The following FLNA variants were observed in gnomAD, a reference collection of about 807,000 sequenced individuals.
FLNA encodes filamin A.
Under a neutral mutation model 157.6 loss-of-function variants are expected in FLNA, and 7 were observed. The observed-to-expected ratio is 0.04, with a 90% CI of 0.03 to 0.08. FLNA has a LOEUF of 0.08. Among genes scored for constraint, FLNA ranks in the 10% least tolerant of loss-of-function variants. FLNA has a pLI of 1.00. For missense variants in FLNA, 1,750 were observed against 2,398.4 expected (o/e 0.73, Z 5.65); for synonymous variants, 1,103 against 1,060.8 (o/e 1.04, Z -0.77).
chrX:154,369,216 G>T (rs1305878984), intron 2 of FLNA, among the ~76,000 whole-genome samples: 4 of 112,542 alleles, frequency 3.6e-5, no homozygotes, highest in Admixed American at 1.9e-4. Context: ...TTCCCAGGTT[G>T]GTCCTGGCCC....
Position 154,354,682 on chromosome X carries a change from C to T in FLNA, c.5247G>A (p.Gln1749=). ...TALAGDQPSV[Q]PPLRSQQLAP... Reference sequence around the variant, plus strand: ...CCAGCTGCTGAGACCGTAGAGGGGGCTGCACCGAGGGCTGGTCCCCAGCCA... The same window carrying T: ...CCAGCTGCTGAGACCGTAGAGGGGGTTGCACCGAGGGCTGGTCCCCAGCCA... Residue 1749 remains glutamine, a synonymous_variant, in exon 32 of 48, where the codon CAG becomes CAA. Coordinates refer to ENST00000369850, the MANE Select transcript of FLNA (RefSeq NM_001110556.2). 8.3e-7 allele frequency: 1 copy of T among 1,207,529 alleles called. No individual in the cohort carries two copies. The highest frequency in any genetic ancestry group is 1.1e-6 in the Non-Finnish European group (1 of 893,507).
chrX:154,369,155 A>C (rs1215388061), intron 2 of FLNA, among the ~76,000 whole-genome samples: 1 of 112,838 alleles, frequency 8.9e-6, no homozygotes, highest in Non-Finnish European at 1.9e-5. Flanking sequence ...TTCCCAGCCC[A>C]GCAGGCAGCA....
rs2067619518 is a variant in FLNA at position 154,351,574 on chromosome X, G to A, written c.7023+7C>T. On this transcript the variant is annotated splice_region_variant and intron_variant, in intron 43 of 47. Coordinates refer to ENST00000369850, the MANE Select transcript of FLNA (RefSeq NM_001110556.2). ...CCCCAGGTGGGCGGTTTCTCTCGGT[G>A]CCTCACCTGAAGGCTAGAAACAGTG... The A allele has an allele frequency of 8.5e-7, 1 of 1,174,570 alleles. No individual in the cohort carries two copies. The highest frequency in any genetic ancestry group is 1.2e-6 in the Non-Finnish European group (1 of 862,105).
chrX:154,348,893 C>T lies in FLNA; in HGVS notation c.7900G>A (p.Asp2634Asn). 8.3e-7 allele frequency: 1 copy of T among 1,210,236 alleles called. No individual in the cohort carries two copies. Among genetic ancestry groups the T allele is most frequent in the Non-Finnish European group, 1.1e-6 (1 of 894,477 alleles). ...GEYTLVVKWG[D>N]EHIPGSPYRV... ...TAGGGGCTGCCTGGGATGTGCTCGT[C>T]CCCCCATTTGACCACCAGTGTGTAC... The change falls in exon 48 of 48, where the codon GAC (aspartate) becomes AAC (asparagine). Residue 2634 changes from aspartate (D) to asparagine (N), a missense_variant. Around this residue, in one of 5 missense-constraint regions of FLNA, gnomAD observed 970 missense variants for 1,302.6 expected, o/e 0.74. Coordinates refer to ENST00000369850, the MANE Select transcript of FLNA (RefSeq NM_001110556.2).
chrX:154,371,331 G>A lies in FLNA; in HGVS notation c.-86C>T, dbSNP rs1461307175. 8.2e-6 allele frequency: 9 copies of A among 1,102,531 alleles called. No homozygotes were observed. The highest frequency in any genetic ancestry group is 1.1e-5 in the Non-Finnish European group (9 of 824,523). The allele number at this position is 1,102,531 out of a possible 1,213,427, so 90.9% of individuals were successfully genotyped here. A position where few individuals can be genotyped will look rare whatever the true frequency, so the allele number is the denominator to read the frequency against. On this transcript the variant is annotated 5_prime_UTR_variant, in exon 2 of 48. Coordinates refer to ENST00000369850, the MANE Select transcript of FLNA (RefSeq NM_001110556.2). The stretch of plus-strand genomic sequence containing the variant: ...ATTAAAGTCGCAGGCACCTAGGCGC[G>A]CGGGAGGCGAGGCAGGGAGCAGAGG...
chrX:154,353,947 G>A lies in FLNA; in HGVS notation c.5654C>T (p.Thr1885Ile). 2 of 1,212,218 alleles carry A rather than the reference G, an allele frequency of 1.6e-6. No individual in the cohort carries two copies. The highest frequency in any genetic ancestry group is 2.2e-6 in the Non-Finnish European group (2 of 895,487). Reference protein sequence around the residue: ...LTHGVVNKPATFTVNTKDAGE... With the variant: ...LTHGVVNKPAIFTVNTKDAGE... ...TGCATCCTTGGTGTTGACGGTGAAG[G>A]TGGCAGGCTTGTTCACTACTCCATG... is the stretch of plus-strand genomic sequence containing the variant. The change falls in exon 35 of 48, where the codon ACC (threonine) becomes ATC (isoleucine). Residue 1885 changes from threonine (T) to isoleucine (I), a missense_variant. Thr to Ile is a moderately conservative substitution (Grantham distance 89, BLOSUM62 -1). Around this residue, in one of 5 missense-constraint regions of FLNA, gnomAD observed 970 missense variants for 1,302.6 expected, o/e 0.74. Transcript: ENST00000369850.
chrX:154,351,878 C>T lies in FLNA; in HGVS notation c.6907+6G>A. ...CCTCCTCCAACCCCAGCCGGGTTCCCAGTACCTGGCTCCTGGACCACATAA... is the reference window on the plus strand; with the variant it reads ...CCTCCTCCAACCCCAGCCGGGTTCCTAGTACCTGGCTCCTGGACCACATAA... On this transcript the variant is annotated splice_donor_region_variant and intron_variant, in intron 42 of 47. Transcript: ENST00000369850. The T allele has an allele frequency of 8.3e-7, 1 of 1,211,187 alleles. No individual in the cohort carries two copies. Among genetic ancestry groups the T allele is most frequent in the Non-Finnish European group, 1.1e-6 (1 of 895,169 alleles).
chrX:154,357,796 A>G (rs1340551225), intron 28 of FLNA, among the ~76,000 whole-genome samples, 173 bp from the exon 29 acceptor site: 3 of 112,653 alleles, frequency 2.7e-5, no homozygotes, highest in East Asian at 2.8e-4. Context: ...TCCAGAATGG[A>G]GACTAAAACA....
rs1294974705 is a variant in FLNA at position 154,362,250 on chromosome X, C to T, written c.2648G>A (p.Ser883Asn). Reference protein sequence around the residue: ...SKVKAEGPGLSRTGVELGKPT... With the variant: ...SKVKAEGPGLNRTGVELGKPT... ...GGGGTACCTGTCCTCACCAGTGCGA[C>T]TGAGGCCAGGGCCCTCGGCCTTCAC... is the stretch of plus-strand genomic sequence containing the variant. The change falls in exon 18 of 48, where the codon AGT becomes AAT. Residue 883 changes from serine to asparagine, a missense_variant. Ser to Asn is a conservative substitution (Grantham distance 46). Transcript: ENST00000369850. The T allele has an allele frequency of 8.3e-7, 1 of 1,209,233 alleles. No individual in the cohort carries two copies. Among genetic ancestry groups the T allele is most frequent in the East Asian group, 3.0e-5 (1 of 33,763 alleles).
rs1557176124 is a variant in FLNA, at chrX:154,353,086, G to T, written c.6141C>A (p.Ala2047=). ...VVISQSEIGD[A]SRVRVSGQGL... The stretch of plus-strand genomic sequence containing the variant: ...CCTGACCAGAGACCCGAACACGACT[G>T]GCATCCCCAATTTCCGACTGGCTGA... The change falls in exon 38 of 48, where the codon GCC becomes GCA. Residue 2047 remains alanine, a synonymous_variant. Coordinates refer to ENST00000369850, the MANE Select transcript of FLNA (RefSeq NM_001110556.2). 1 of 1,210,187 alleles carries T rather than the reference G, an allele frequency of 8.3e-7. No individual in the cohort carries two copies. The highest frequency in any genetic ancestry group is 1.7e-5 in the African/African-American group (1 of 57,364).
intron 44 of FLNA, 77 bp from the exon 45 acceptor site, chrX:154,350,284 C>G: frequency 2.1e-6 from 2 of 952,800 alleles, no homozygotes; most frequent in Non-Finnish European, 3.0e-6. Flanking sequence ...GGAACAGCCT[C>G]AACCCTGGCC....
chrX:154,360,982 G>GGGTGCCGTGAGCCAAT (rs1356342599), intron 21 of FLNA, among the ~76,000 whole-genome samples: 1 of 95,772 alleles, frequency 1.0e-5, no homozygotes, highest in Non-Finnish European at 2.0e-5. Context: ...AGGAGGCGGA[G>GGGTGCCGTGAGCCAAT]GGTGCCGTGA....
At chrX:154,358,135 A>G in intron 28 of FLNA, 64 bp downstream of exon 28, 1 of 1,138,555 alleles carries the variant, frequency 8.8e-7, no homozygotes, top group Non-Finnish European at 1.2e-6. Flanking sequence ...GACACCAGCC[A>G]CCCGCAGCCC....
chrX:154,357,568 T>C lies in FLNA; in HGVS notation c.4811A>G (p.Tyr1604Cys). ...CACGTCTGGCACGTAGGCCACTGTA[T>C]ACGTGCCGTCATGGTTGTCTTGGAT... is the stretch of plus-strand genomic sequence containing the variant. ...THIQDNHDGT[Y>C]TVAYVPDVTG... The change falls in exon 29 of 48, where the codon TAT becomes TGT. Residue 1604 changes from tyrosine (Y) to cysteine (C), a missense_variant. Transcript: ENST00000369850. The C allele has an allele frequency of 8.3e-7, 1 of 1,211,959 alleles. No homozygotes were observed. Among genetic ancestry groups the C allele is most frequent in the Non-Finnish European group, 1.1e-6 (1 of 895,399 alleles).
chrX:154,373,492 G>A (rs1316187388), intron 1 of FLNA, among the ~76,000 whole-genome samples: 2 of 112,376 alleles, frequency 1.8e-5, no homozygotes, highest in Non-Finnish European at 3.8e-5. Flanking sequence ...CCACCAGATC[G>A]GGCAGTCCTG....
Position 154,354,812 on chromosome X carries a change from C to G in FLNA, c.5217+13G>C, listed in dbSNP as rs370737630. The G allele has an allele frequency of 5.0e-6, 6 of 1,210,452 alleles. No individual in the cohort carries two copies. The highest frequency in any genetic ancestry group is 3.0e-5 in the East Asian group (1 of 33,787). On this transcript the variant is annotated intron_variant, in intron 31 of 47. Transcript: ENST00000369850. ...CAGACACCCCTGCTGACCTACCCCC[C>G]ACCCCTCCTCACCGTCACTTGGAAG...
In FLNA at chrX:154,353,844, C is replaced by G; in HGVS notation, c.5686+71G>C. Reference sequence around the variant, plus strand: ...AGGGAGCCCCATTCAGGAGTATCTCCTGAGTCCAGCCCTTACCCCGGTGAG... The same window carrying G: ...AGGGAGCCCCATTCAGGAGTATCTCGTGAGTCCAGCCCTTACCCCGGTGAG... On this transcript the variant is annotated intron_variant, in intron 35 of 47. Transcript: ENST00000369850. 3.3e-6 allele frequency: 4 copies of G among 1,204,046 alleles called. No individual in the cohort carries two copies. The South Asian group carries it at 7.0e-5, about 21-fold the overall frequency.
rs2148111919 is a variant in FLNA, at chrX:154,360,019, T to C, written c.3776A>G (p.Gln1259Arg). 6 of 1,210,889 alleles carry C rather than the reference T, an allele frequency of 5.0e-6. No individual in the cohort carries two copies. The highest frequency in any genetic ancestry group is 6.7e-6 in the Non-Finnish European group (6 of 895,275). ...GCCCTCAATACCAGGCCCATAGCAC[T>C]GGACACCGGAAGTGTCCACCGCAGG... ...VEPAVDTSGV[Q>R]CYGPGIEGQG... Residue 1259 changes from glutamine to arginine, a missense_variant, in exon 22 of 48, where the codon CAG (glutamine) becomes CGG (arginine). This residue lies in a region of FLNA where 970 missense variants were observed against 1,302.6 expected (regional missense o/e 0.74). Transcript: ENST00000369850.
Position 154,364,968 on chromosome X carries a change from G to C in FLNA, c.1692-11C>G, listed in dbSNP as rs782228432. The C allele has an allele frequency of 4.1e-6, 5 of 1,209,608 alleles. No individual in the cohort carries two copies. Among genetic ancestry groups the C allele is most frequent in the Admixed American group, 2.2e-5 (1 of 45,907 alleles). On this transcript the variant is annotated splice_polypyrimidine_tract_variant and intron_variant, in intron 11 of 47. Transcript: ENST00000369850. ...TTCACTTCGAAGGGACTGCAAATGCGAGAGCCACACAGGGAACACCGAGGA... is the reference window on the plus strand; with the variant it reads ...TTCACTTCGAAGGGACTGCAAATGCCAGAGCCACACAGGGAACACCGAGGA...
Sources: gnomAD v4.1 joint callset for allele counts (sites outside exome capture counted in the v4.1 genomes callset) on GRCh38, gnomAD v4.1.1 for gene constraint, gnomAD v4.1.1 regional missense constraint, MANE v1.5 for transcripts, NCBI Gene and HGNC (gene_info 2026-07-23, HGNC 2026-07-21) for gene names.